The following MYT1L variants were observed in gnomAD, a reference collection of about 807,000 sequenced individuals.
MYT1L encodes the protein myelin transcription factor 1-like protein.
In MYT1L, 12 loss-of-function variants were observed where a neutral mutation model predicts 126.7. The observed-to-expected ratio is 0.09, with a 90% CI of 0.06 to 0.15. The LOEUF (loss-of-function observed/expected upper bound fraction) is 0.15. MYT1L is among the 10% of genes least tolerant of loss of function. MYT1L has a pLI of 1.00. For synonymous variants in MYT1L, 541 were observed against 604.2 expected, an observed-to-expected ratio of 0.90 and a Z score of 1.53; for missense variants, 979 against 1,585.2, an observed-to-expected ratio of 0.62 and a Z score of 6.49.
intron 9 of MYT1L, among the ~76,000 whole-genome samples, chr2:1,941,355 A>C (rs1026556384): frequency 1.3e-5 from 2 of 152,240 alleles, no homozygotes; most frequent in African/African-American, 2.4e-5. Flanking sequence ...CCATCTTTCT[A>C]GTAAGCCCTG....
At chr2:2,090,192 T>C (rs1450973487) in intron 3 of MYT1L, among the ~76,000 whole-genome samples, 1 of 152,190 alleles carries the variant, frequency 6.6e-6, no homozygotes, top group Non-Finnish European at 1.5e-5. Flanking sequence ...CACAACATCT[T>C]TGTCAATCAA....
intron 19 of MYT1L, among the ~76,000 whole-genome samples, chr2:1,850,980 C>CT (rs2043195461): frequency 6.6e-6 from 1 of 152,148 alleles, no homozygotes; most frequent in African/African-American, 2.4e-5. Flanking sequence ...GGTGTACCAT[C>CT]TTTAACAAGT....
intron 3 of MYT1L, among the ~76,000 whole-genome samples, chr2:2,068,800 A>C (rs1468821940): frequency 2.8e-5 from 1 of 36,338 alleles, no homozygotes; most frequent in African/African-American, 1.0e-4. Flanking sequence ...TTTTTTTTTC[A>C]TATGTATAAG....
At chr2:2,088,406 T>C (rs916201741) in intron 3 of MYT1L, among the ~76,000 whole-genome samples, 1 of 152,116 alleles carries the variant, frequency 6.6e-6, no homozygotes, top group Admixed American at 6.5e-5. Context: ...TATGAGGTGT[T>C]TGCAGTCCTG....
At chr2:1,975,499 T>A (rs1574140961) in intron 8 of MYT1L, among the ~76,000 whole-genome samples, 1 of 152,030 alleles carries the variant, frequency 6.6e-6, no homozygotes, top group African/African-American at 2.4e-5. Flanking sequence ...GAGGCTGAGG[T>A]GGGCAGATCA....
intron 2 of MYT1L, among the ~76,000 whole-genome samples, chr2:2,262,306 A>G (rs1345999722): frequency 6.6e-6 from 1 of 152,196 alleles, no homozygotes; most frequent in Non-Finnish European, 1.5e-5. Context: ...CAAGCAAAAT[A>G]CTTCCACAAA....
Position 1,922,892 on chromosome 2 carries a change from C to A in MYT1L, c.877G>T (p.Asp293Tyr). 6.2e-7 allele frequency: 1 copy of A among 1,614,056 alleles called. No individual in the cohort carries two copies. Among genetic ancestry groups the A allele is most frequent in the Non-Finnish European group, 8.5e-7 (1 of 1,179,906 alleles). ...ATGACGTAATTCATATTTCTACTGT[C>A]TTGCTGCGACATGCTGTCTGCATAA... ...RNYADSMSQQ[D>Y]SRNMNYVMLG... Residue 293 changes from aspartate to tyrosine, a missense_variant, in exon 10 of 25, where the codon GAC becomes TAC. By Grantham distance (160) the Asp-to-Tyr change is radical. Coordinates refer to ENST00000647738, the MANE Select transcript of MYT1L (RefSeq NM_001303052.2). This position sits in a 1 kb window ranked among gnomAD's most constrained non-coding sequence, Gnocchi z 7.4.
intron 9 of MYT1L, among the ~76,000 whole-genome samples, chr2:1,930,952 C>A (rs2054883233): frequency 6.6e-6 from 1 of 152,230 alleles, no homozygotes; most frequent in African/African-American, 2.4e-5. Context: ...TCTTCCCGCA[C>A]TGCATACACT....
In MYT1L at chr2:1,925,480, C is replaced by T. The variant is rs79130232; in HGVS notation, c.506-2217G>A. ...CCCCTACATTCTCCCTTCAGCAGCACGTAGTTAAGAAGTACATCTCACCTT... is the reference window on the plus strand; with the variant it reads ...CCCCTACATTCTCCCTTCAGCAGCATGTAGTTAAGAAGTACATCTCACCTT... On this transcript the variant is annotated intron_variant, in intron 9 of 24. Coordinates refer to ENST00000647738, the MANE Select transcript of MYT1L (RefSeq NM_001303052.2). Among the ~76,000 whole-genome samples, 844 of 152,316 alleles carry T rather than the reference C, an allele frequency of 5.5e-3. 4 individuals carry two copies. The highest frequency in any genetic ancestry group is 9.6e-3 in the Non-Finnish European group (651 of 68,020).
At chr2:2,123,083 T>C (rs1363525682) in intron 3 of MYT1L, among the ~76,000 whole-genome samples, 1 of 152,202 alleles carries the variant, frequency 6.6e-6, no homozygotes, top group South Asian at 2.1e-4. Flanking sequence ...CTCCCCAACA[T>C]TCTGGCACAG....
chr2:2,200,161 T>G (rs1572394886), intron 2 of MYT1L, among the ~76,000 whole-genome samples: 1 of 152,022 alleles, frequency 6.6e-6, no homozygotes, highest in African/African-American at 2.4e-5. Context: ...GCTCGAGAGG[T>G]CCATGATTTG....
At chr2:1,873,440 G>A (rs973409217) in intron 18 of MYT1L, among the ~76,000 whole-genome samples, 1 of 152,192 alleles carries the variant, frequency 6.6e-6, no homozygotes, top group Non-Finnish European at 1.5e-5. Flanking sequence ...CTCCGAGGCT[G>A]TACATGGAGA....
chr2:2,322,603 A>AG (rs1441469194), intron 1 of MYT1L, among the ~76,000 whole-genome samples: 1 of 152,070 alleles, frequency 6.6e-6, no homozygotes, highest in Non-Finnish European at 1.5e-5. Context: ...TAAAAAAAAA[A>AG]AAACAAAATA....
At chr2:2,289,675 C>A (rs1415944170) in intron 1 of MYT1L, among the ~76,000 whole-genome samples, 4 of 152,184 alleles carry the variant, frequency 2.6e-5, no homozygotes, top group African/African-American at 7.2e-5. Context: ...ACTGGTACCA[C>A]CCATGGAATA....
At chr2:2,049,339 C>T (rs745543160) in intron 4 of MYT1L, among the ~76,000 whole-genome samples, 9 of 152,244 alleles carry the variant, frequency 5.9e-5, no homozygotes, top group Admixed American at 2.0e-4. Context: ...ATATTATACA[C>T]GGTTATCAGA....
intron 14 of MYT1L, 58 bp downstream of exon 14, chr2:1,903,019 CACA>C (rs1297080961): frequency 6.8e-5 from 100 of 1,472,412 alleles, no homozygotes; most frequent in South Asian, 2.6e-4. Context: ...CATTGATATA[CACA>C]ACAACAACAT....
At chr2:2,061,808 A>G (rs2070547697) in intron 3 of MYT1L, among the ~76,000 whole-genome samples, 1 of 152,202 alleles carries the variant, frequency 6.6e-6, no homozygotes, top group Admixed American at 6.5e-5. Flanking sequence ...AAGGTCTTTC[A>G]AAAGGTGATG....
At chr2:1,826,628 G>A (rs931626233) in intron 21 of MYT1L, among the ~76,000 whole-genome samples, 1 of 152,186 alleles carries the variant, frequency 6.6e-6, no homozygotes, top group Admixed American at 6.5e-5. Context: ...AGGAAAAGAA[G>A]CAAAGGGTCT....
At chr2:1,795,696 C>G (rs1355507142) in intron 23 of MYT1L, 4 of 152,208 alleles carry the variant, frequency 2.6e-5, no homozygotes, top group Non-Finnish European at 5.9e-5. Context: ...CCAGAAACAT[C>G]GAGTTGCCTG....
Sources: gnomAD v4.1 joint callset for allele counts (sites outside exome capture counted in the v4.1 genomes callset) on GRCh38, gnomAD v4.1.1 for gene constraint, Gnocchi (gnomAD v3.1) non-coding constraint, MANE v1.5 for transcripts, NCBI Gene and HGNC (gene_info 2026-07-23, HGNC 2026-07-21) for gene names.